Variants in SOX5 observed in about 807,000 individuals in gnomAD.
The protein encoded by SOX5 is SRY-box transcription factor 5.
Under a neutral mutation model 92.0 loss-of-function variants are expected in SOX5, and 9 were observed. The observed-to-expected ratio is 0.10, with a 90% CI of 0.06 to 0.17. The LOEUF (loss-of-function observed/expected upper bound fraction) is 0.17, where lower values mean the gene tolerates loss of function less well. Among genes scored for constraint, SOX5 ranks in the 10% least tolerant of loss-of-function variants. SOX5 has a pLI of 1.00. For synonymous variants in SOX5, 344 were observed against 336.3 expected (o/e 1.02, Z -0.25); for missense variants, 642 against 944.5 (o/e 0.68, Z 4.20).
At chr12:24,085,796 A>G (rs1333958311) in intron 4 of SOX5, among the ~76,000 whole-genome samples, 1 of 151,970 alleles carries the variant, frequency 6.6e-6, no homozygotes, top group East Asian at 1.9e-4. Context: ...AAGAAGAAAA[A>G]CTAATATTAA....
rs116389272 is a variant in SOX5 at position 24,267,207 on chromosome 12, C to T, written c.-77+10009G>A. Among the ~76,000 whole-genome samples, 695 of 152,172 alleles carry T rather than the reference C, an allele frequency of 4.6e-3. 8 individuals carry two copies. The highest frequency in any genetic ancestry group is 0.016 in the African/African-American group (658 of 41,510). ...CATCACTGCACTCCAGCCTGGGCAA[C>T]GGAGCAAGACCCTGTCTCAAAAACA... On this transcript the variant is annotated intron_variant, in intron 3 of 4. Transcript: ENST00000446891.
intron 6 of SOX5, among the ~76,000 whole-genome samples, chr12:23,705,782 G>T (rs76293435): frequency 6.6e-6 from 1 of 151,946 alleles, no homozygotes; most frequent in African/African-American, 2.4e-5. Flanking sequence ...ACAGGAGCTC[G>T]TTTAAATGAT....
chr12:23,755,772 C>T, intron 3 of SOX5, 48 bp from the exon 4 acceptor site: 3 of 1,204,226 alleles, frequency 2.5e-6, no homozygotes, highest in South Asian at 1.5e-5. Flanking sequence ...ACTCTCCTTA[C>T]AATGGAGCTC....
chr12:23,993,904 T>TATGTATGTATGTATGCATGTATGC (rs1950795630), intron 4 of SOX5, among the ~76,000 whole-genome samples: 1 of 149,280 alleles, frequency 6.7e-6, no homozygotes, highest in African/African-American at 2.5e-5. Context: ...TGTATGTATG[T>TATGTATGTATGTATGCATGTATGC]ATGTATGTAT....
At chr12:24,475,645 T>C (rs1945283768) in intron 1 of SOX5, among the ~76,000 whole-genome samples, 1 of 152,102 alleles carries the variant, frequency 6.6e-6, no homozygotes, top group Non-Finnish European at 1.5e-5. Flanking sequence ...AGAAATTGAT[T>C]TTATTGGAGG....
chr12:23,905,010 A>G (rs2097276943), intron 1 of SOX5, among the ~76,000 whole-genome samples: 1 of 152,228 alleles, frequency 6.6e-6, no homozygotes, highest in South Asian at 2.1e-4. Context: ...AAAGAAAAAC[A>G]AAAGCAAGTT....
At chr12:24,490,143 C>T (rs1423976811) in intron 1 of SOX5, among the ~76,000 whole-genome samples, 1 of 152,198 alleles carries the variant, frequency 6.6e-6, no homozygotes, top group Non-Finnish European at 1.5e-5. Context: ...AGAACAGATG[C>T]TGCAATGAAG....
chr12:23,535,806 A>G (rs907783512), intron 14 of SOX5, among the ~76,000 whole-genome samples: 2 of 152,224 alleles, frequency 1.3e-5, no homozygotes, highest in Admixed American at 1.3e-4. Context: ...TTCAAATATG[A>G]ACAACTTTAT....
At chr12:24,038,100 TAC>T (rs1020651934) in intron 4 of SOX5, among the ~76,000 whole-genome samples, 7 of 152,292 alleles carry the variant, frequency 4.6e-5, no homozygotes, top group Admixed American at 2.0e-4. Context: ...CTATAAATCG[TAC>T]AGTTTCTAGA....
chr12:24,148,714 A>G (rs12825945), intron 4 of SOX5, among the ~76,000 whole-genome samples: 4,540 of 57,494 alleles, frequency 0.079, 109 homozygotes, highest in Middle Eastern at 0.15. Flanking sequence ...AAAAAAAAAA[A>G]AAGAAGAAAG....
intron 4 of SOX5, among the ~76,000 whole-genome samples, chr12:24,020,880 A>G (rs997144761): frequency 5.3e-5 from 8 of 152,160 alleles, no homozygotes; most frequent in African/African-American, 1.9e-4. Context: ...TTCCCCTTTA[A>G]TATGACAAAA....
intron 2 of SOX5, among the ~76,000 whole-genome samples, chr12:24,325,797 G>C (rs1042484566): frequency 6.6e-6 from 1 of 152,084 alleles, no homozygotes; most frequent in East Asian, 1.9e-4. Flanking sequence ...TCCCAACTGG[G>C]GGCAATAAAG....
chr12:24,019,944 T>G (rs1439668339), intron 4 of SOX5, among the ~76,000 whole-genome samples: 2 of 152,226 alleles, frequency 1.3e-5, no homozygotes, highest in Non-Finnish European at 2.9e-5. Flanking sequence ...CTCACGTGGA[T>G]GTATCCTGGT....
chr12:23,531,918 T>A lies in SOX5; in HGVS notation c.*2301A>T, dbSNP rs1466744959. On this transcript the variant is annotated 3_prime_UTR_variant, in exon 15 of 15. Coordinates refer to ENST00000451604, the MANE Select transcript of SOX5 (RefSeq NM_006940.6). The stretch of plus-strand genomic sequence containing the variant: ...AAATGTGTGTGTGTGTGTGTATATG[T>A]GTGTATATATATGTATATATATATA... 2.0e-5 allele frequency: 3 copies of A among 148,900 alleles called. No individual in the cohort carries two copies. The highest frequency in any genetic ancestry group is 2.4e-5 in the African/African-American group (1 of 40,850). The allele number at this position is 148,900 out of a possible 1,614,324, so 9.2% of individuals were successfully genotyped here. A position where few individuals can be genotyped will look rare whatever the true frequency, so the allele number is the denominator to read the frequency against.
At chr12:24,085,175 G>T (rs1419418866) in intron 4 of SOX5, among the ~76,000 whole-genome samples, 1 of 152,142 alleles carries the variant, frequency 6.6e-6, no homozygotes, top group Admixed American at 6.6e-5. Flanking sequence ...ACCTTGCCCA[G>T]CAAGCAAGAG....
intron 3 of SOX5, among the ~76,000 whole-genome samples, chr12:23,794,594 C>A (rs933607174): frequency 1.1e-4 from 16 of 152,084 alleles, no homozygotes; most frequent in Non-Finnish European, 1.9e-4. Context: ...GTCATTTAAT[C>A]AACGTAGCAA....
At chr12:24,361,630 T>C (rs1281809934) in intron 2 of SOX5, among the ~76,000 whole-genome samples, 3 of 151,748 alleles carry the variant, frequency 2.0e-5, no homozygotes, top group African/African-American at 7.3e-5. Context: ...TGTGTGTGTG[T>C]GTGCGCATGT....
intron 9 of SOX5, among the ~76,000 whole-genome samples, chr12:23,592,285 T>G (rs921704872): frequency 8.5e-5 from 13 of 152,250 alleles, no homozygotes; most frequent in Non-Finnish European, 1.8e-4. Context: ...AAAATTCTTT[T>G]AATTTTCTAT....
At chr12:23,936,987 G>A (rs1445030701) in intron 1 of SOX5, among the ~76,000 whole-genome samples, 1 of 150,808 alleles carries the variant, frequency 6.6e-6, no homozygotes, top group Non-Finnish European at 1.5e-5. Flanking sequence ...AGCACAAATA[G>A]AGAGGGACTC....
Sources: allele counts gnomAD v4.1 joint callset (sites outside exome capture counted in the v4.1 genomes callset), GRCh38; gene constraint gnomAD v4.1.1; transcripts MANE v1.5; gene names NCBI Gene and HGNC (gene_info 2026-07-23, HGNC 2026-07-21).